The following CBLN2 variants were observed in gnomAD, a reference collection of about 807,000 sequenced individuals.
The protein encoded by CBLN2 is cerebellin-2.
Under a neutral mutation model 15.0 loss-of-function variants are expected in CBLN2, and 7 were observed. The observed-to-expected ratio is 0.47, with a 90% CI of 0.27 to 0.88. The LOEUF (loss-of-function observed/expected upper bound fraction) is 0.88, where lower values mean the gene tolerates loss of function less well. Among genes scored for constraint, CBLN2 ranks in the 40% least tolerant of loss-of-function variants. The pLI, the probability that CBLN2 is intolerant of heterozygous loss-of-function variation, is 0.14. For missense variants in CBLN2, 242 were observed against 304.5 expected, an observed-to-expected ratio of 0.79 and a Z score of 1.53; for synonymous variants, 149 against 135.2, an observed-to-expected ratio of 1.10 and a Z score of -0.71.
At chr18:72,568,101 G>C (rs574259624) in intron 1 of CBLN2, among the ~76,000 whole-genome samples, 1 of 152,078 alleles carries the variant, frequency 6.6e-6, no homozygotes, top group Non-Finnish European at 1.5e-5. Flanking sequence ...TCTGTCAAAT[G>C]CCGCTATATC....
chr18:72,601,783 G>A (rs1299536923), intron 1 of CBLN2, among the ~76,000 whole-genome samples: 1 of 152,182 alleles, frequency 6.6e-6, no homozygotes, highest in African/African-American at 2.4e-5. Context: ...CTATAAGCGG[G>A]AGGGGGGCTC....
At chr18:72,605,609 A>T (rs1172747728) in intron 1 of CBLN2, among the ~76,000 whole-genome samples, 1 of 152,220 alleles carries the variant, frequency 6.6e-6, no homozygotes, top group African/African-American at 2.4e-5. Flanking sequence ...CAAACAATGG[A>T]GGAATTTAGG....
intron 1 of CBLN2, among the ~76,000 whole-genome samples, chr18:72,600,584 G>A (rs1472303422): frequency 6.6e-6 from 1 of 152,162 alleles, no homozygotes; most frequent in Non-Finnish European, 1.5e-5. Flanking sequence ...TAGGGGCCTG[G>A]AAGGATATGG....
intron 1 of CBLN2, among the ~76,000 whole-genome samples, chr18:72,599,249 C>T (rs2069532435): frequency 1.3e-5 from 2 of 152,072 alleles, no homozygotes; most frequent in African/African-American, 4.8e-5. Flanking sequence ...GAAGTACATT[C>T]TTTACAAATT....
chr18:72,627,924 G>T (rs2144975353), intron 1 of CBLN2, among the ~76,000 whole-genome samples: 1 of 152,230 alleles, frequency 6.6e-6, no homozygotes, highest in East Asian at 1.9e-4. Context: ...TTAATAAAAT[G>T]CCTATGGCCA....
chr18:72,554,876 C>T (rs1598995974), intron 1 of CBLN2, among the ~76,000 whole-genome samples: 1 of 152,266 alleles, frequency 6.6e-6, no homozygotes, highest in Non-Finnish European at 1.5e-5. Flanking sequence ...TGGCTTATGC[C>T]TGTAATCCCA....
chr18:72,591,972 A>G (rs1380783383), intron 1 of CBLN2, among the ~76,000 whole-genome samples: 1 of 152,214 alleles, frequency 6.6e-6, no homozygotes, highest in African/African-American at 2.4e-5. Flanking sequence ...GCGTATAGAT[A>G]TCTCTTCAAC....
upstream of CBLN2, among the ~76,000 whole-genome samples, chr18:72,545,786 A>G (rs2069153683): frequency 6.6e-6 from 1 of 152,230 alleles, no homozygotes; most frequent in South Asian, 2.1e-4. Flanking sequence ...CCTCTCACAC[A>G]TCTGTAAGTC....
intron 1 of CBLN2, among the ~76,000 whole-genome samples, chr18:72,609,948 G>A (rs2069610672): frequency 6.6e-6 from 1 of 151,994 alleles, no homozygotes; most frequent in Non-Finnish European, 1.5e-5. Context: ...CCACCTCTAC[G>A]CCTGTCTCAC....
chr18:72,618,877 G>A (rs2069680762), intron 1 of CBLN2: 7 of 726,786 alleles, frequency 9.6e-6, no homozygotes, highest in South Asian at 6.7e-5. Flanking sequence ...CTTTAGCGGT[G>A]GTCATGGAGG....
rs137899122 is a variant in CBLN2, at chr18:72,607,678, C to CCTCT, written c.15+30643_15+30646dup. The stretch of plus-strand genomic sequence containing the variant: ...AACATTTATAGGAGCTATGTAGATA[C>CCTCT]CTCTCTCTCTCTCTCTTTCTCTCTT... On this transcript the variant is annotated intron_variant, in intron 1 of 2. Coordinates refer to the CBLN2 transcript ENST00000581073. Among the ~76,000 whole-genome samples the CCTCT allele has an allele frequency of 3.4e-3, 506 of 149,696 alleles. 4 individuals carry two copies. The highest frequency in any genetic ancestry group is 0.012 in the African/African-American group (488 of 40,470).
upstream of CBLN2, among the ~76,000 whole-genome samples, chr18:72,545,136 G>A (rs970930312): frequency 3.3e-5 from 5 of 152,098 alleles, no homozygotes; most frequent in Non-Finnish European, 7.3e-5. Flanking sequence ...TCAGGTAGGG[G>A]GTTTTGAAGG....
At chr18:72,595,335 T>C (rs1209183704) in intron 1 of CBLN2, among the ~76,000 whole-genome samples, 1 of 152,124 alleles carries the variant, frequency 6.6e-6, no homozygotes, top group Admixed American at 6.5e-5. Context: ...TTTGCATAGC[T>C]TTCAAAACTC....
intron 1 of CBLN2, among the ~76,000 whole-genome samples, chr18:72,596,396 A>G (rs2069513951): frequency 6.6e-6 from 1 of 152,058 alleles, no homozygotes; most frequent in African/African-American, 2.4e-5. Context: ...TCAAAAAGTT[A>G]TAATTATTTT....
intron 1 of CBLN2, among the ~76,000 whole-genome samples, chr18:72,596,164 A>C (rs1158881027): frequency 6.6e-6 from 1 of 151,118 alleles, no homozygotes; most frequent in Non-Finnish European, 1.5e-5. Context: ...TGTGTTTTGT[A>C]TTTTTTGTGG....
chr18:72,570,171 G>T (rs372974831), intron 1 of CBLN2, among the ~76,000 whole-genome samples: 105 of 152,058 alleles, frequency 6.9e-4, no homozygotes, highest in African/African-American at 2.4e-3. Context: ...CAAACTGATC[G>T]ATACTTAACC....
chr18:72,637,635 T>A (rs557340151), intron 1 of CBLN2, among the ~76,000 whole-genome samples: 1 of 152,204 alleles, frequency 6.6e-6, no homozygotes, highest in African/African-American at 2.4e-5. Context: ...GGAGGGGAAT[T>A]GGTACCTGAT....
chr18:72,555,122 G>A (rs375975436), intron 1 of CBLN2, among the ~76,000 whole-genome samples: 1 of 149,572 alleles, frequency 6.7e-6, no homozygotes. Context: ...GTGACAGAAC[G>A]AGATTCTGTC....
At chr18:72,604,015 C>T (rs1302258657) in intron 1 of CBLN2, among the ~76,000 whole-genome samples, 2 of 152,188 alleles carry the variant, frequency 1.3e-5, no homozygotes, top group Non-Finnish European at 2.9e-5. Context: ...CATCTTGACT[C>T]TCAACTTGCG....
Sources: allele counts gnomAD v4.1 joint callset (sites outside exome capture counted in the v4.1 genomes callset), GRCh38; gene constraint gnomAD v4.1.1; transcripts MANE v1.5; gene names NCBI Gene and HGNC (gene_info 2026-07-23, HGNC 2026-07-21).